Variants in SNX2 observed in about 807,000 individuals in gnomAD.
SNX2 encodes sorting nexin-2.
A neutral mutation model predicts 69.9 loss-of-function variants in SNX2; 25 were observed. The ratio of observed to expected loss-of-function variants is 0.36; its 90% CI spans 0.26 to 0.50. The LOEUF (loss-of-function observed/expected upper bound fraction) is 0.50, where lower values mean the gene tolerates loss of function less well. Ranked by LOEUF, SNX2 falls within the 20% of genes least tolerant of loss-of-function variation. The pLI, the probability that SNX2 is intolerant of heterozygous loss-of-function variation, is 0.97. For synonymous variants in SNX2, 229 were observed against 200.4 expected (o/e 1.14, Z -1.20); for missense variants, 551 against 613.3 (o/e 0.90, Z 1.07).
At chr5:122,797,927 G>C (rs1193447302) in intron 2 of SNX2, among the ~76,000 whole-genome samples, 1 of 152,128 alleles carries the variant, frequency 6.6e-6, no homozygotes, top group Non-Finnish European at 1.5e-5. Flanking sequence ...GAAGCAGCCT[G>C]TTAGTGTAAA....
At chr5:122,822,007 C>G (rs1754036820) in intron 11 of SNX2, among the ~76,000 whole-genome samples, 1 of 152,210 alleles carries the variant, frequency 6.6e-6, no homozygotes, top group African/African-American at 2.4e-5. Flanking sequence ...TACTAGCACC[C>G]AAGAATGAAG....
In SNX2 at chr5:122,831,098, A is replaced by G. The variant is rs1183809049; in HGVS notation, c.*1450A>G. Among the ~76,000 whole-genome samples the G allele has an allele frequency of 2.7e-5, 4 of 149,884 alleles. No individual in the cohort carries two copies. Among genetic ancestry groups the G allele is most frequent in the Non-Finnish European group, 5.9e-5 (4 of 67,512 alleles). On this transcript the variant is annotated 3_prime_UTR_variant, in exon 15 of 15. Transcript: ENST00000379516. ...ATTCTTACAAACACCCCTCTTCTTG[A>G]GCTTAACCACCACATATCCCTTCCA...
At chr5:122,803,005 T>G (rs1753552057) in intron 5 of SNX2, among the ~76,000 whole-genome samples, 1 of 152,216 alleles carries the variant, frequency 6.6e-6, no homozygotes, top group South Asian at 2.1e-4. Flanking sequence ...AAATATTCAT[T>G]AAACACCTAC....
intron 1 of SNX2, among the ~76,000 whole-genome samples, chr5:122,794,761 C>T (rs1753336429): frequency 6.6e-6 from 1 of 152,240 alleles, no homozygotes; most frequent in Admixed American, 6.5e-5. Context: ...TTGGCACACA[C>T]CTGTAATCCC....
chr5:122,790,233 T>C (rs13169548), intron 1 of SNX2, among the ~76,000 whole-genome samples: 29,192 of 152,078 alleles, frequency 0.19, 3,242 homozygotes, highest in East Asian at 0.46. Context: ...ATCCTCCTGC[T>C]TCAGCCTCCC....
chr5:122,785,324 T>G (rs1370734761), intron 1 of SNX2, among the ~76,000 whole-genome samples: 3 of 151,922 alleles, frequency 2.0e-5, no homozygotes, highest in Non-Finnish European at 4.4e-5. Flanking sequence ...TTTTATTTTT[T>G]TTGTAGAGAC....
chr5:122,791,304 T>TGG (rs1753231985), intron 1 of SNX2, among the ~76,000 whole-genome samples: 1 of 151,446 alleles, frequency 6.6e-6, no homozygotes, highest in Non-Finnish European at 1.5e-5. Context: ...TTTTTTGAGA[T>TGG]GGAGTCTTGC....
intron 7 of SNX2, among the ~76,000 whole-genome samples, chr5:122,815,040 C>T (rs1038805078): frequency 6.6e-6 from 1 of 152,156 alleles, no homozygotes; most frequent in South Asian, 2.1e-4. Context: ...TGAGCCACCG[C>T]GCCCAGCCGA....
At chr5:122,821,455 C>CTTTT (rs761842728) in intron 11 of SNX2, among the ~76,000 whole-genome samples, 1 of 138,142 alleles carries the variant, frequency 7.2e-6, no homozygotes. Context: ...AAGTAGATGT[C>CTTTT]CTTTTTTTTT....
chr5:122,797,030 T>C (rs10071705), intron 2 of SNX2, among the ~76,000 whole-genome samples: 94,477 of 152,080 alleles, frequency 0.62, 29,708 homozygotes, highest in African/African-American at 0.7. Flanking sequence ...TGGGCACAAA[T>C]AATTCTCCAA....
chr5:122,798,007 T>G (rs1344349533), intron 2 of SNX2, among the ~76,000 whole-genome samples: 2 of 152,196 alleles, frequency 1.3e-5, no homozygotes, highest in Non-Finnish European at 2.9e-5. Context: ...CTGTACTGAT[T>G]TCTTAATAAA....
chr5:122,787,511 C>T (rs544404139), intron 1 of SNX2, among the ~76,000 whole-genome samples: 5 of 152,032 alleles, frequency 3.3e-5, no homozygotes, highest in Admixed American at 2.6e-4. Flanking sequence ...CAGAGCAAGA[C>T]TGTCCCCCCC....
intron 7 of SNX2, among the ~76,000 whole-genome samples, chr5:122,812,917 C>T (rs1156422487): frequency 1.3e-5 from 2 of 152,274 alleles, no homozygotes; most frequent in East Asian, 1.9e-4. Context: ...TGCTCTCAAG[C>T]GTTTTATATA....
In SNX2 at chr5:122,803,595, C is replaced by A. The variant is rs777571495; in HGVS notation, c.625C>A (p.Pro209Thr). The A allele has an allele frequency of 1.2e-6, 2 of 1,607,936 alleles. No homozygotes were observed. Among genetic ancestry groups the A allele is most frequent in the Non-Finnish European group, 1.7e-6 (2 of 1,178,010 alleles). ...TGTTGGTTATATTGTGCCACCAGCT[C>A]CAGAAAAGAGTATAGTAGGTAAGCA... ...LHVGYIVPPAPEKSIVGMTKV... is the reference protein window; with the variant it reads ...LHVGYIVPPATEKSIVGMTKV... The change falls in exon 6 of 15, where the codon CCA becomes ACA. Residue 209 changes from proline to threonine, a missense_variant. Coordinates refer to ENST00000379516, the MANE Select transcript of SNX2 (RefSeq NM_003100.4).
chr5:122,788,938 C>T (rs558420170), intron 1 of SNX2, among the ~76,000 whole-genome samples: 1 of 152,222 alleles, frequency 6.6e-6, no homozygotes, highest in East Asian at 1.9e-4. Context: ...ACTGTCTTTT[C>T]TCTTATTTGG....
chr5:122,782,722 A>C (rs1753005715), intron 1 of SNX2, among the ~76,000 whole-genome samples: 2 of 150,900 alleles, frequency 1.3e-5, no homozygotes, highest in Admixed American at 1.3e-4. Flanking sequence ...TTTTTAGTAG[A>C]GATAGGGTTT....
Position 122,827,579 on chromosome 5 carries a change from A to C in SNX2, c.1442A>C (p.Glu481Ala). The stretch of plus-strand genomic sequence containing the variant: ...TTTTAAAATGTACTTCAACAGAAAG[A>C]ACGAGTGAAGGATTTTAAAACCGTT... ...IRKEVGRFEK[E>A]RVKDFKTVII... Residue 481 changes from glutamate (E) to alanine (A), a missense_variant, in exon 14 of 15, where the codon GAA becomes GCA. This residue lies in a region of SNX2 where 360 missense variants were observed against 450.4 expected (regional missense o/e 0.80). Transcript: ENST00000379516. 1 of 1,612,978 alleles carries C rather than the reference A, an allele frequency of 6.2e-7. No homozygotes were observed. Among genetic ancestry groups the C allele is most frequent in the Non-Finnish European group, 8.5e-7 (1 of 1,179,148 alleles).
intron 1 of SNX2, among the ~76,000 whole-genome samples, chr5:122,784,113 C>T (rs990868101): frequency 6.6e-6 from 1 of 151,714 alleles, no homozygotes; most frequent in Non-Finnish European, 1.5e-5. Context: ...TAAACACTTA[C>T]TAGGTTTAGT....
At chr5:122,818,766 T>G in intron 10 of SNX2, 52 bp from the exon 11 acceptor site, 5 of 1,469,850 alleles carry the variant, frequency 3.4e-6, no homozygotes, top group Non-Finnish European at 4.6e-6. Flanking sequence ...ATACAATATT[T>G]TAAAATTTTA....
Sources: allele counts gnomAD v4.1 joint callset (sites outside exome capture counted in the v4.1 genomes callset), GRCh38; gene constraint gnomAD v4.1.1; regional missense constraint gnomAD v4.1.1; transcripts MANE v1.5; gene names NCBI Gene and HGNC (gene_info 2026-07-23, HGNC 2026-07-21).